ADGRL3: variants seen among roughly 807,000 people sequenced by gnomAD.
ADGRL3 encodes the protein calcium-independent alpha-latrotoxin receptor 3.
A neutral mutation model predicts 153.5 loss-of-function variants in ADGRL3; 62 were observed. The ratio of observed to expected loss-of-function variants is 0.40; its 90% confidence interval spans 0.33 to 0.50. ADGRL3 has a LOEUF of 0.50. Ranked by LOEUF, ADGRL3 falls within the 20% of genes least tolerant of loss-of-function variation. ADGRL3 has a pLI of 0.47. For missense variants in ADGRL3, 1,641 were observed against 1,859.4 expected (o/e 0.88, Z 2.16); for synonymous variants, 710 against 672.5 (o/e 1.06, Z -0.86).
intron 2 of ADGRL3, among the ~76,000 whole-genome samples, chr4:61,432,646 C>G (rs866031277): frequency 9.4e-5 from 1 of 10,620 alleles, no homozygotes; most frequent in Admixed American, 1.0e-3. Flanking sequence ...TTCTTTCTTT[C>G]TTTCTTTCTT....
chr4:61,922,412 C>T (rs2098774086), intron 13 of ADGRL3, among the ~76,000 whole-genome samples: 2 of 152,154 alleles, frequency 1.3e-5, no homozygotes, highest in Admixed American at 6.6e-5. Flanking sequence ...ACAGCTTCCT[C>T]TATTGTTAAC....
chr4:61,278,335 T>C (rs577515504), intron 1 of ADGRL3, among the ~76,000 whole-genome samples: 1 of 152,286 alleles, frequency 6.6e-6, no homozygotes, highest in Non-Finnish European at 1.5e-5. Context: ...CCCTGGAGTT[T>C]TGAGCAAAAA....
At chr4:61,790,742 T>C (rs1307661435) in intron 8 of ADGRL3, among the ~76,000 whole-genome samples, 2 of 152,152 alleles carry the variant, frequency 1.3e-5, no homozygotes, top group African/African-American at 4.8e-5. Context: ...CTGGGCAATT[T>C]ATAAAAGAAA....
chr4:61,345,102 A>G (rs2095874819), intron 1 of ADGRL3, among the ~76,000 whole-genome samples: 1 of 151,928 alleles, frequency 6.6e-6, no homozygotes, highest in Admixed American at 6.6e-5. Context: ...CCGGCCTTAC[A>G]TTTATTTTAA....
intron 2 of ADGRL3, among the ~76,000 whole-genome samples, chr4:61,460,759 G>C (rs2097802259): frequency 1.3e-5 from 2 of 152,056 alleles, no homozygotes; most frequent in South Asian, 4.1e-4. Context: ...CAAGCAAAAG[G>C]GGAAACCCTT....
intron 4 of ADGRL3, among the ~76,000 whole-genome samples, chr4:61,575,071 A>C (rs1232667906): frequency 6.6e-6 from 1 of 151,860 alleles, no homozygotes; most frequent in Non-Finnish European, 1.5e-5. Context: ...TATTCTTACA[A>C]CGTGATGTGG....
At position 62,002,094 on chromosome 4, in the gene ADGRL3, T is replaced by G. The variant is rs530669096; in HGVS notation, c.3395+3829T>G. Among the ~76,000 whole-genome samples, 125 of 151,982 alleles carry G rather than the reference T, an allele frequency of 8.2e-4. 1 individual carries two copies. The highest frequency in any genetic ancestry group is 2.7e-3 in the African/African-American group (111 of 41,434). On this transcript the variant is annotated intron_variant, in intron 21 of 26. Transcript: ENST00000683033. ...GAATCACTGCAGTGGTCTCCTAACT[T>G]CTCTGTCCACATCAATTCTTGTCCC...
At position 62,007,395 on chromosome 4, in the gene ADGRL3, C is replaced by CACACACACAT. The variant is rs369431931; in HGVS notation, c.3395+9131_3395+9132insCACACACATA. Among the ~76,000 whole-genome samples the CACACACACAT allele has an allele frequency of 1.7e-3, 127 of 76,440 alleles. 2 individuals carry two copies. The highest frequency in any genetic ancestry group is 2.5e-3 in the Non-Finnish European group (99 of 40,030). The allele number at this position is 76,440 out of a possible 152,430, so 50.1% of individuals were successfully genotyped here. A position where few individuals can be genotyped will look rare whatever the true frequency, so the allele number is the denominator to read the frequency against. The stretch of plus-strand genomic sequence containing the variant: ...ATATATATATATATACACACACACA[C>CACACACACAT]ATATATATATACACGTATATATATA... On this transcript the variant is annotated intron_variant, in intron 21 of 26. Coordinates refer to ENST00000683033, the MANE Select transcript of ADGRL3 (RefSeq NM_001387552.1).
intron 4 of ADGRL3, among the ~76,000 whole-genome samples, chr4:61,586,395 G>A (rs1469820612): frequency 1.3e-5 from 2 of 152,010 alleles, no homozygotes; most frequent in African/African-American, 4.8e-5. Context: ...ATATATTTAT[G>A]AGATGTAGCC....
intron 4 of ADGRL3, among the ~76,000 whole-genome samples, chr4:61,576,816 A>G (rs1403153509): frequency 6.6e-6 from 1 of 151,608 alleles, no homozygotes; most frequent in East Asian, 2.0e-4. Flanking sequence ...GAAAATACAA[A>G]TTTGGTCACA....
rs966637010 is a variant in ADGRL3, at chr4:61,587,523, A to G, written c.473+83A>G. ...TGTGTTACATGTTAAGCATAAGAACATAAACAGTGTTATGTATTTTAGGAC... is the reference window on the plus strand; with the variant it reads ...TGTGTTACATGTTAAGCATAAGAACGTAAACAGTGTTATGTATTTTAGGAC... On this transcript the variant is annotated intron_variant, in intron 5 of 26. Transcript: ENST00000683033. 7 of 1,029,218 alleles carry G rather than the reference A, an allele frequency of 6.8e-6. No homozygotes were observed. In the Admixed American group the frequency reaches 1.2e-4, roughly 18 times the overall value. The allele number at this position is 1,029,218 out of a possible 1,614,324, so 63.8% of individuals were successfully genotyped here.
chr4:61,475,093 C>T (rs1304676855), intron 2 of ADGRL3, among the ~76,000 whole-genome samples: 2 of 152,094 alleles, frequency 1.3e-5, no homozygotes, highest in South Asian at 2.1e-4. Context: ...ATATGTTTTC[C>T]GTACTCTAAT....
intron 2 of ADGRL3, among the ~76,000 whole-genome samples, chr4:61,492,558 AAAG>A (rs1215419223): frequency 5.3e-5 from 8 of 152,152 alleles, no homozygotes; most frequent in African/African-American, 1.7e-4. Context: ...CATGATTTGA[AAAG>A]AAGAGAATAT....
chr4:62,050,093 G>T (rs1733303736), intron 25 of ADGRL3, among the ~76,000 whole-genome samples: 1 of 151,992 alleles, frequency 6.6e-6, no homozygotes, highest in East Asian at 1.9e-4. Flanking sequence ...GCGGTGGGAA[G>T]AATGAAGTGG....
At chr4:61,893,017 A>G (rs2098599569) in intron 10 of ADGRL3, 59 bp downstream of exon 10, 1 of 1,162,438 alleles carries the variant, frequency 8.6e-7, no homozygotes, top group Admixed American at 3.7e-5. Context: ...TTTATTTTCT[A>G]GTATTCTTTT....
At chr4:61,630,918 A>G (rs983768604) in intron 5 of ADGRL3, among the ~76,000 whole-genome samples, 6 of 152,190 alleles carry the variant, frequency 3.9e-5, no homozygotes, top group East Asian at 3.9e-4. Flanking sequence ...TCCCTTCACT[A>G]CCTATCTTAC....
intron 9 of ADGRL3, among the ~76,000 whole-genome samples, chr4:61,873,595 C>A (rs2098458132): frequency 6.6e-6 from 1 of 152,080 alleles, no homozygotes; most frequent in Non-Finnish European, 1.5e-5. Context: ...ACCTTTGAGC[C>A]ATTTCACAAA....
In ADGRL3 at chr4:61,933,445, C is replaced by T. The variant is rs920638874; in HGVS notation, c.2113-1395C>T. 2.6e-5 allele frequency among the ~76,000 whole-genome samples: 4 copies of T among 152,092 alleles called. No individual in the cohort carries two copies. The East Asian group carries it at 7.7e-4, about 29-fold the overall frequency. ...TTTACACCAAGAACAAATGACGGAG[C>T]TAAGCACACTATATGAAAACGTCCA... On this transcript the variant is annotated intron_variant, in intron 13 of 26. Transcript: ENST00000683033.
At chr4:61,310,732 GTT>G (rs34156856) in intron 1 of ADGRL3, among the ~76,000 whole-genome samples, 24 of 145,894 alleles carry the variant, frequency 1.6e-4, no homozygotes, top group South Asian at 4.3e-4. Flanking sequence ...TGTAAGATCA[GTT>G]TTTTTTTTTT....
Sources: allele counts gnomAD v4.1 joint callset (sites outside exome capture counted in the v4.1 genomes callset), GRCh38; gene constraint gnomAD v4.1.1; transcripts MANE v1.5; gene names NCBI Gene and HGNC (gene_info 2026-07-23, HGNC 2026-07-21).